Variants in GABRB1 observed in about 807,000 individuals in gnomAD.
The protein encoded by GABRB1 is gamma-aminobutyric acid receptor subunit beta-1.
GABRB1 carries 17 observed loss-of-function variants against 51.6 expected under a neutral mutation model. The ratio of observed to expected loss-of-function variants is 0.33; its 90% CI spans 0.23 to 0.49. The LOEUF (loss-of-function observed/expected upper bound fraction) is 0.49. Ranked by LOEUF, GABRB1 falls within the 20% of genes least tolerant of loss-of-function variation. GABRB1 has a pLI of 0.99. For synonymous variants in GABRB1, 247 were observed against 218.9 expected (o/e 1.13, Z -1.14); for missense variants, 410 against 600.6 (o/e 0.68, Z 3.32).
chr4:47,060,026 T>A (rs1353155684), intron 3 of GABRB1, among the ~76,000 whole-genome samples: 2 of 152,198 alleles, frequency 1.3e-5, no homozygotes, highest in Non-Finnish European at 2.9e-5. Flanking sequence ...CATCAATCAC[T>A]CATGTCATTT....
intron 5 of GABRB1, among the ~76,000 whole-genome samples, chr4:47,382,287 G>A (rs1479520695): frequency 1.3e-5 from 2 of 152,078 alleles, no homozygotes; most frequent in Non-Finnish European, 2.9e-5. Flanking sequence ...GGGAAGTTTA[G>A]CAGCATCCCA....
At chr4:46,998,017 C>G (rs770109315) in intron 1 of GABRB1, among the ~76,000 whole-genome samples, 4 of 152,152 alleles carry the variant, frequency 2.6e-5, no homozygotes, top group Non-Finnish European at 5.9e-5. Context: ...TCCACAATAG[C>G]TGTACCAGCT....
At chr4:47,187,343 G>T (rs1719223676) in intron 4 of GABRB1, among the ~76,000 whole-genome samples, 1 of 151,794 alleles carries the variant, frequency 6.6e-6, no homozygotes, top group Non-Finnish European at 1.5e-5. Flanking sequence ...AACTAATCAT[G>T]TCCTAATAAA....
At chr4:47,327,191 A>G (rs1320039345) in intron 5 of GABRB1, among the ~76,000 whole-genome samples, 6 of 152,136 alleles carry the variant, frequency 3.9e-5, no homozygotes, top group African/African-American at 1.2e-4. Context: ...TTTTATATTC[A>G]TGTTTTAAGA....
chr4:47,346,317 T>C (rs576825480), intron 5 of GABRB1, among the ~76,000 whole-genome samples: 4 of 152,294 alleles, frequency 2.6e-5, no homozygotes, highest in Non-Finnish European at 4.4e-5. Flanking sequence ...ATGAAGATCT[T>C]GACTGTGTAT....
chr4:47,090,939 AAT>A (rs1728265511), intron 3 of GABRB1, among the ~76,000 whole-genome samples: 1 of 152,220 alleles, frequency 6.6e-6, no homozygotes, highest in Non-Finnish European at 1.5e-5. Context: ...CTCCTCGAAG[AAT>A]ATACACTTCT....
intron 5 of GABRB1, among the ~76,000 whole-genome samples, chr4:47,328,062 T>C (rs1215089442): frequency 6.6e-6 from 1 of 152,208 alleles, no homozygotes; most frequent in Non-Finnish European, 1.5e-5. Context: ...TGATGGCCAG[T>C]GATGATGAGC....
intron 4 of GABRB1, among the ~76,000 whole-genome samples, chr4:47,304,632 T>C (rs974314854): frequency 5.9e-5 from 9 of 152,168 alleles, no homozygotes; most frequent in Admixed American, 6.6e-5. Context: ...GACATAATTT[T>C]TCCAGTTTAC....
intron 3 of GABRB1, among the ~76,000 whole-genome samples, chr4:47,132,070 T>G (rs1231045339): frequency 6.6e-6 from 1 of 152,198 alleles, no homozygotes; most frequent in Non-Finnish European, 1.5e-5. Flanking sequence ...AAATCATTTA[T>G]TTATTGGATA....
In GABRB1 at chr4:47,168,111, T is replaced by C. The variant is rs546124493; in HGVS notation, c.461+6642T>C. On this transcript the variant is annotated intron_variant, in intron 4 of 8. Transcript: ENST00000295454. ...ACAGTATCATTTTAACTAATATTAGTGGCAATTGTATCATGAAATTTAACC... is the reference window on the plus strand; with the variant it reads ...ACAGTATCATTTTAACTAATATTAGCGGCAATTGTATCATGAAATTTAACC... 3.9e-4 allele frequency among the ~76,000 whole-genome samples: 59 copies of C among 152,292 alleles called. 2 individuals are homozygous for C. In the South Asian group the frequency reaches 0.012, roughly 31 times the overall value.
chr4:47,001,264 T>C (rs1724172872), intron 1 of GABRB1, among the ~76,000 whole-genome samples: 1 of 152,028 alleles, frequency 6.6e-6, no homozygotes, highest in Non-Finnish European at 1.5e-5. Flanking sequence ...TGCCTCAGCC[T>C]CCCGAGTAGC....
At chr4:47,151,163 A>T (rs910395872) in intron 3 of GABRB1, among the ~76,000 whole-genome samples, 4 of 151,998 alleles carry the variant, frequency 2.6e-5, no homozygotes, top group Non-Finnish European at 4.4e-5. Flanking sequence ...GGCCCAATAG[A>T]GTCCTTACTG....
intron 3 of GABRB1, among the ~76,000 whole-genome samples, chr4:47,126,685 A>G (rs890581486): frequency 1.6e-5 from 2 of 125,906 alleles, no homozygotes; most frequent in Non-Finnish European, 1.7e-5. Context: ...AGAAGTCTGT[A>G]GAGGAGATTA....
chr4:47,117,630 TTTTGGTG>T (rs1189385138), intron 3 of GABRB1, among the ~76,000 whole-genome samples: 1 of 152,150 alleles, frequency 6.6e-6, no homozygotes, highest in Admixed American at 6.5e-5. Flanking sequence ...TAAGACTACT[TTTTGGTG>T]TTAGGGTCTA....
At chr4:47,262,281 C>T (rs539460597) in intron 4 of GABRB1, among the ~76,000 whole-genome samples, 128 of 152,148 alleles carry the variant, frequency 8.4e-4, no homozygotes, top group Non-Finnish European at 1.3e-3. Context: ...AGAAAATTTT[C>T]GCAAACTACA....
At chr4:47,381,688 G>A (rs895306468) in intron 5 of GABRB1, among the ~76,000 whole-genome samples, 2 of 152,130 alleles carry the variant, frequency 1.3e-5, no homozygotes, top group Non-Finnish European at 2.9e-5. Flanking sequence ...CCAGCTTGAA[G>A]GGTCAGAGAC....
intron 4 of GABRB1, among the ~76,000 whole-genome samples, chr4:47,306,427 G>A (rs977168052): frequency 6.6e-6 from 1 of 151,180 alleles, no homozygotes; most frequent in African/African-American, 2.4e-5. Context: ...GCAGGGTAGA[G>A]ATAGGAGGAA....
chr4:47,350,837 G>A (rs987870840), intron 5 of GABRB1, among the ~76,000 whole-genome samples: 10 of 152,156 alleles, frequency 6.6e-5, no homozygotes, highest in South Asian at 6.2e-4. Context: ...CCTGATCAAC[G>A]TGAACACTTA....
intron 5 of GABRB1, among the ~76,000 whole-genome samples, chr4:47,377,209 T>C (rs530150166): frequency 1.1e-4 from 17 of 152,290 alleles, no homozygotes; most frequent in African/African-American, 4.1e-4. Context: ...AGTGGCACAA[T>C]ATCCGCTCAC....
Sources: gnomAD v4.1 joint callset for allele counts (sites outside exome capture counted in the v4.1 genomes callset) on GRCh38, gnomAD v4.1.1 for gene constraint, MANE v1.5 for transcripts, NCBI Gene and HGNC (gene_info 2026-07-23, HGNC 2026-07-21) for gene names.